Variants in MCC observed in about 807,000 individuals in gnomAD.
MCC encodes the protein MCC regulator of Wnt signaling pathway, also known as colorectal mutant cancer protein.
A neutral mutation model predicts 116.2 loss-of-function variants in MCC; 90 were observed. That is an observed-to-expected ratio of 0.77 (90% CI 0.65 to 0.92). MCC has a LOEUF of 0.92. Among genes scored for constraint, MCC ranks in the 40% least tolerant of loss-of-function variants. MCC has a pLI of 0.00. For missense variants in MCC, 1,516 were observed against 1,312.2 expected (o/e 1.16, Z -2.40); for synonymous variants, 578 against 510.5 (o/e 1.13, Z -1.78).
At chr5:113,183,278 T>C (rs1761721303) in intron 3 of MCC, among the ~76,000 whole-genome samples, 1 of 152,198 alleles carries the variant, frequency 6.6e-6, no homozygotes, top group African/African-American at 2.4e-5. Context: ...CGTGTGTGTT[T>C]GTGTGTGGAG....
chr5:113,132,167 G>C (rs1188819993), intron 5 of MCC, among the ~76,000 whole-genome samples: 4 of 150,674 alleles, frequency 2.7e-5, no homozygotes, highest in East Asian at 1.9e-4. Flanking sequence ...AACTTTACAA[G>C]GATTCAATTT....
intron 8 of MCC, among the ~76,000 whole-genome samples, chr5:113,092,298 G>A (rs1755699142): frequency 6.6e-6 from 1 of 152,164 alleles, no homozygotes; most frequent in Admixed American, 6.5e-5. Flanking sequence ...CTATGCTGCT[G>A]GCTTGGGAGA....
At chr5:113,144,562 C>A (rs1759378516) in intron 4 of MCC, among the ~76,000 whole-genome samples, 2 of 152,192 alleles carry the variant, frequency 1.3e-5, no homozygotes, top group Admixed American at 1.3e-4. Context: ...ATGGCATAAC[C>A]CAGGGCAGGG....
At chr5:113,470,392 C>G (rs999579808) in intron 1 of MCC, among the ~76,000 whole-genome samples, 2 of 150,918 alleles carry the variant, frequency 1.3e-5, no homozygotes, top group South Asian at 4.2e-4. Flanking sequence ...GACAAAATCT[C>G]TCAGCATTTG....
At chr5:113,302,220 A>G (rs1766879676) in intron 3 of MCC, among the ~76,000 whole-genome samples, 1 of 152,232 alleles carries the variant, frequency 6.6e-6, no homozygotes, top group Non-Finnish European at 1.5e-5. Context: ...GAGCCACCTT[A>G]GCAGTTTTTA....
At chr5:113,413,829 G>T (rs1219708603) in intron 1 of MCC, among the ~76,000 whole-genome samples, 1 of 152,090 alleles carries the variant, frequency 6.6e-6, no homozygotes, top group African/African-American at 2.4e-5. Flanking sequence ...GAATTTGTTT[G>T]TTCTTACTTC....
At chr5:113,264,281 C>G (rs949475372) in intron 3 of MCC, among the ~76,000 whole-genome samples, 33 of 152,092 alleles carry the variant, frequency 2.2e-4, no homozygotes, top group African/African-American at 8.0e-4. Flanking sequence ...TATATAAATA[C>G]GAAAACGGCA....
intron 3 of MCC, among the ~76,000 whole-genome samples, chr5:113,152,264 C>A (rs946928973): frequency 3.3e-5 from 5 of 152,208 alleles, no homozygotes; most frequent in African/African-American, 1.2e-4. Context: ...TGGCTGCACA[C>A]ACACCTACCA....
intron 3 of MCC, among the ~76,000 whole-genome samples, chr5:113,268,072 G>A (rs1010066246): frequency 2.0e-5 from 3 of 152,078 alleles, no homozygotes; most frequent in Non-Finnish European, 2.9e-5. Flanking sequence ...TGTAGCCAAC[G>A]AATCTTCTAT....
rs188956361 is a variant in MCC at position 113,044,787 on chromosome 5, T to C, written c.2656-1157A>G. ...CGGGGTTTCTCCATGTTGGTCAGGC[T>C]GGTCTCAAACTCCTGACCTCAGGTA... On this transcript the variant is annotated intron_variant, in intron 16 of 18. Transcript: ENST00000408903. Among the ~76,000 whole-genome samples, 300 of 152,328 alleles carry C rather than the reference T, an allele frequency of 2.0e-3. 1 individual carries two copies. Among genetic ancestry groups the C allele is most frequent in the Middle Eastern group, 6.8e-3 (2 of 294 alleles).
intron 14 of MCC, among the ~76,000 whole-genome samples, chr5:113,055,774 C>T (rs971163929): frequency 3.9e-5 from 6 of 152,150 alleles, no homozygotes; most frequent in African/African-American, 1.2e-4. Flanking sequence ...GGCATTGCTG[C>T]GAAGGTGTTT....
chr5:113,110,783 G>A (rs553209064), intron 6 of MCC, among the ~76,000 whole-genome samples: 3 of 152,190 alleles, frequency 2.0e-5, no homozygotes, highest in Non-Finnish European at 4.4e-5. Context: ...ATAGGGCTAT[G>A]GTGTCTGGCA....
intron 5 of MCC, among the ~76,000 whole-genome samples, chr5:113,133,936 T>TA (rs1420680916): frequency 6.6e-6 from 1 of 152,082 alleles, no homozygotes; most frequent in East Asian, 1.9e-4. Flanking sequence ...AATCTTTTGC[T>TA]AAAAAAAATC....
chr5:113,271,392 C>G (rs1765613068), intron 3 of MCC, among the ~76,000 whole-genome samples: 1 of 152,150 alleles, frequency 6.6e-6, no homozygotes, highest in African/African-American at 2.4e-5. Context: ...AGATGAAACC[C>G]ATAGACAAGA....
intron 1 of MCC, among the ~76,000 whole-genome samples, chr5:113,400,773 A>T (rs1769661942): frequency 6.6e-6 from 1 of 152,248 alleles, no homozygotes. Context: ...GCAGGTACTT[A>T]AACAGCTTGG....
chr5:113,261,493 C>T (rs76844878), intron 3 of MCC, among the ~76,000 whole-genome samples: 7 of 152,026 alleles, frequency 4.6e-5, no homozygotes, highest in African/African-American at 1.7e-4. Context: ...CTGTATTAGA[C>T]AAAATAGCCA....
Position 113,104,355 on chromosome 5 carries a change from T to C in MCC, c.1028A>G (p.Asp343Gly). 6.2e-7 allele frequency: 1 copy of C among 1,603,020 alleles called. No individual in the cohort carries two copies. Among genetic ancestry groups the C allele is most frequent in the Non-Finnish European group, 8.5e-7 (1 of 1,173,490 alleles). The change falls in exon 7 of 19, where the codon GAC becomes GGC. Residue 343 changes from aspartate to glycine, a missense_variant and splice_region_variant. Transcript: ENST00000408903. Reference protein sequence around the residue: ...NQSTMVTADMDNCSDLNSELQ... With the variant: ...NQSTMVTADMGNCSDLNSELQ... ...TTCTGAGTTCAGGTCACTGCAGTTG[T>C]CTGTGAGTGAATGAAGACAAAATGC...
At chr5:113,264,379 C>G (rs992353370) in intron 3 of MCC, among the ~76,000 whole-genome samples, 2 of 152,180 alleles carry the variant, frequency 1.3e-5, no homozygotes, top group African/African-American at 4.8e-5. Flanking sequence ...TATTAGCTCC[C>G]AGCTTGAAAA....
rs565349438 is a variant in MCC, at chr5:113,255,716, A to G, written c.627+84803T>C. 3.9e-5 allele frequency among the ~76,000 whole-genome samples: 6 copies of G among 152,336 alleles called. No individual in the cohort carries two copies. In the South Asian group the frequency reaches 1.2e-3, roughly 32 times the overall value. On this transcript the variant is annotated intron_variant, in intron 3 of 18. Coordinates refer to ENST00000408903, the MANE Select transcript of MCC (RefSeq NM_001085377.2). The stretch of plus-strand genomic sequence containing the variant: ...GGTTTCCCACAGAGCTTTCACTTAA[A>G]TATTTACGTGGCCCCAACCACAGGC...
Sources: allele counts gnomAD v4.1 joint callset (sites outside exome capture counted in the v4.1 genomes callset), GRCh38; gene constraint gnomAD v4.1.1; transcripts MANE v1.5; gene names NCBI Gene and HGNC (gene_info 2026-07-23, HGNC 2026-07-21).